The following UBA5 variants were observed in gnomAD, a reference collection of about 807,000 sequenced individuals.
UBA5 encodes the protein ubiquitin-like modifier-activating enzyme 5.
In UBA5, 28 loss-of-function variants were observed where a neutral mutation model predicts 52.9. That is an observed-to-expected ratio of 0.53 (90% CI 0.39 to 0.73). The LOEUF is 0.73. Ranked by LOEUF, UBA5 falls within the 30% of genes least tolerant of loss-of-function variation. The pLI, the probability that UBA5 is intolerant of heterozygous loss-of-function variation, is 0.00. For missense variants in UBA5, 388 were observed against 492.7 expected, an observed-to-expected ratio of 0.79 and a Z score of 2.01; for synonymous variants, 135 against 162.1, an observed-to-expected ratio of 0.83 and a Z score of 1.27.
chr3:132,659,892 G>T, upstream of UBA5: 1 of 1,049,656 alleles, frequency 9.5e-7, no homozygotes. Context: ...CACAGCCTAC[G>T]CGCCGTTGCT....
At chr3:132,675,145 AATAT>A in intron 8 of UBA5, 99 bp from the exon 9 acceptor site, 1 of 851,796 alleles carries the variant, frequency 1.2e-6, no homozygotes, top group South Asian at 2.0e-5. Context: ...GGTTAAAAAA[AATAT>A]ATAATTACCT....
At chr3:132,659,373 A>C (rs1487003803), upstream of UBA5, 4 of 548,896 alleles carry the variant, frequency 7.3e-6, no homozygotes, top group Non-Finnish European at 9.3e-6. Context: ...ATTCCTTTGG[A>C]TAGTAGAATG....
At chr3:132,658,066 T>C (rs532231265), upstream of UBA5, among the ~76,000 whole-genome samples, 4 of 152,212 alleles carry the variant, frequency 2.6e-5, no homozygotes, top group East Asian at 7.7e-4. Context: ...TTTCACCATG[T>C]TGGCCAGGCT....
chr3:132,671,988 C>CTATTTGG, intron 7 of UBA5, 62 bp from the exon 8 acceptor site: 9 of 1,606,044 alleles, frequency 5.6e-6, no homozygotes, highest in Non-Finnish European at 7.7e-6. Flanking sequence ...GGATGGAATA[C>CTATTTGG]TATTTGGAAC....
At position 132,679,134 on chromosome 3, in the gene UBA5, G is replaced by T. The variant is rs567015419; in HGVS notation, c.*2608G>T. 2.4e-4 allele frequency among the ~76,000 whole-genome samples: 36 copies of T among 152,020 alleles called. No individual in the cohort carries two copies. The highest frequency in any genetic ancestry group is 8.0e-4 in the African/African-American group (33 of 41,496). ...AATACAAAAATTAGCCGGGCGTGGTGGTGCGTGACTGTAATCCCAGCTACT... is the reference window on the plus strand; with the variant it reads ...AATACAAAAATTAGCCGGGCGTGGTTGTGCGTGACTGTAATCCCAGCTACT... On this transcript the variant is annotated 3_prime_UTR_variant, in exon 12 of 12. Transcript: ENST00000356232.
At chr3:132,670,850 A>G (rs1211131753) in intron 5 of UBA5, 115 bp from the exon 6 acceptor site, 2 of 592,340 alleles carry the variant, frequency 3.4e-6, no homozygotes, top group East Asian at 6.2e-5. Context: ...TTATTATGTA[A>G]TAATTATAGT....
At chr3:132,670,593 G>A (rs995955346) in intron 5 of UBA5, 1 of 228,166 alleles carries the variant, frequency 4.4e-6, no homozygotes, top group African/African-American at 2.3e-5. Flanking sequence ...TTTCTTCAGA[G>A]ACTGTCAGAC....
In UBA5 at chr3:132,676,652, C is replaced by G. The variant is rs999527338; in HGVS notation, c.*126C>G. 2.9e-6 allele frequency: 2 copies of G among 691,662 alleles called. No individual in the cohort carries two copies. The highest frequency in any genetic ancestry group is 2.7e-5 in the Admixed American group (1 of 36,552). The allele number at this position is 691,662 out of a possible 1,614,324, so 42.8% of individuals were successfully genotyped here. A position where few individuals can be genotyped will look rare whatever the true frequency, so the allele number is the denominator to read the frequency against. ...GTATATTCTTACCTGAATTGTTATA[C>G]TTTTTGAAAATCCTGTGACTTGCCT... On this transcript the variant is annotated 3_prime_UTR_variant, in exon 12 of 12. Transcript: ENST00000356232. This position sits in a 1 kb window ranked among gnomAD's most constrained non-coding sequence, Gnocchi z 4.1.
rs543024499 is a variant in UBA5 at position 132,665,631 on chromosome 3, G to A, written c.162-192G>A. 1.4e-5 allele frequency: 8 copies of A among 570,432 alleles called. No homozygotes were observed. In the East Asian group the frequency reaches 1.7e-4, roughly 12 times the overall value. 35.3% of individuals were successfully genotyped at this position (570,432 alleles called of 1,614,324 possible). ...ATCTTGTTTCATATGCTACACTTGG[G>A]AGAGTTTTTTTAAACGGTGCCTGGG... On this transcript the variant is annotated intron_variant, in intron 1 of 11. Coordinates refer to ENST00000356232, the MANE Select transcript of UBA5 (RefSeq NM_024818.6).
At position 132,666,088 on chromosome 3, in the gene UBA5, C is replaced by T; in HGVS notation, c.297+15C>T. 6.2e-7 allele frequency: 1 copy of T among 1,609,474 alleles called. No homozygotes were observed. ...GCATTGGTAAGGTAAAAACATTTCT[C>T]TTTGCCTGTCATATAGGGAACTACT... On this transcript the variant is annotated intron_variant, in intron 3 of 11. Transcript: ENST00000356232.
intron 8 of UBA5, among the ~76,000 whole-genome samples, chr3:132,673,298 A>G (rs1164381240): frequency 1.3e-5 from 2 of 152,132 alleles, no homozygotes; most frequent in East Asian, 3.8e-4. Context: ...TTTATTAACA[A>G]TGCTATAGGC....
intron 4 of UBA5, among the ~76,000 whole-genome samples, chr3:132,669,766 C>T (rs190242199): frequency 6.6e-6 from 1 of 152,128 alleles, no homozygotes; most frequent in Non-Finnish European, 1.5e-5. Flanking sequence ...GGAAGTGAGG[C>T]TGAGTTGTAG....
intron 8 of UBA5, among the ~76,000 whole-genome samples, chr3:132,672,766 C>T (rs948959213): frequency 1.3e-5 from 2 of 151,986 alleles, no homozygotes; most frequent in African/African-American, 4.8e-5. Flanking sequence ...TTTTAGATAC[C>T]TCTGCTATCC....
rs557067361 is a variant in UBA5, at chr3:132,676,644, T to C, written c.*118T>C. The C allele has an allele frequency of 2.5e-5, 18 of 712,896 alleles. No individual in the cohort carries two copies. In the East Asian group the frequency reaches 4.4e-4, roughly 17 times the overall value. The allele number at this position is 712,896 out of a possible 1,614,324, so 44.2% of individuals were successfully genotyped here. ...TAATTAATGTATATTCTTACCTGAA[T>C]TGTTATACTTTTTGAAAATCCTGTG... On this transcript the variant is annotated 3_prime_UTR_variant, in exon 12 of 12. Transcript: ENST00000356232. The surrounding 1 kb of genome is among the most constrained non-coding windows in gnomAD (Gnocchi z 4.1).
In UBA5 at chr3:132,675,285, G is replaced by A; in HGVS notation, c.850G>A (p.Gly284Arg). The A allele has an allele frequency of 6.2e-7, 1 of 1,611,630 alleles. No homozygotes were observed. The highest frequency in any genetic ancestry group is 8.5e-7 in the Non-Finnish European group (1 of 1,178,360). ...TTTTGGTACTGTTAGTTTTTACCTT[G>A]GATACAATGCAATGCAGGATTTTTT... ...LNFGTVSFYL[G>R]YNAMQDFFPT... The change falls in exon 9 of 12, where the codon GGA becomes AGA. Residue 284 changes from glycine to arginine, a missense_variant. Gly to Arg is a moderately radical substitution (Grantham distance 125). This residue lies in a region of UBA5 where 277 missense variants were observed against 326.4 expected (regional missense o/e 0.85). Coordinates refer to ENST00000356232, the MANE Select transcript of UBA5 (RefSeq NM_024818.6).
chr3:132,675,368 G>A lies in UBA5; in HGVS notation c.933G>A (p.Gln311=). The A allele has an allele frequency of 1.2e-6, 2 of 1,613,600 alleles. No individual in the cohort carries two copies. Among genetic ancestry groups the A allele is most frequent in the Non-Finnish European group, 1.7e-6 (2 of 1,179,762 alleles). The part of the protein sequence containing the change: ...PQCDDRNCRK[Q]QEEYKKKVAA... ...GTGATGACAGAAATTGCAGGAAGCA[G>A]CAGGAGGAATATAAGGTATATGACA... is the stretch of plus-strand genomic sequence containing the variant. The change falls in exon 9 of 12, where the codon CAG becomes CAA. Residue 311 remains glutamine (Q), a synonymous_variant. Coordinates refer to ENST00000356232, the MANE Select transcript of UBA5 (RefSeq NM_024818.6).
chr3:132,670,416 T>G (rs1938550999), intron 5 of UBA5, 132 bp downstream of exon 5: 1 of 502,684 alleles, frequency 2.0e-6, no homozygotes. Context: ...GTACAGCAAT[T>G]TTTGTGTAAT....
chr3:132,664,685 A>G (rs1447375149), intron 1 of UBA5, among the ~76,000 whole-genome samples: 1 of 152,132 alleles, frequency 6.6e-6, no homozygotes, highest in East Asian at 1.9e-4. Context: ...ACACTTTAGA[A>G]CTAGTGAGCT....
Position 132,677,848 on chromosome 3 carries a change from T to C in UBA5, c.*1322T>C, listed in dbSNP as rs1204887489. ...TGCTAGGATTATACTGTGATTCTTATGTTTATAGTAAAGTCTGGAAAGCAG... is the reference window on the plus strand; with the variant it reads ...TGCTAGGATTATACTGTGATTCTTACGTTTATAGTAAAGTCTGGAAAGCAG... On this transcript the variant is annotated 3_prime_UTR_variant, in exon 12 of 12. Coordinates refer to ENST00000356232, the MANE Select transcript of UBA5 (RefSeq NM_024818.6). The C allele has an allele frequency of 1.3e-5, 2 of 152,208 alleles. No homozygotes were observed. The highest frequency in any genetic ancestry group is 1.9e-4 in the East Asian group (1 of 5,198). 9.4% of individuals were successfully genotyped at this position (152,208 alleles called of 1,614,324 possible).
Sources: gnomAD v4.1 joint callset for allele counts (sites outside exome capture counted in the v4.1 genomes callset) on GRCh38, gnomAD v4.1.1 for gene constraint, gnomAD v4.1.1 regional missense constraint, Gnocchi (gnomAD v3.1) non-coding constraint, MANE v1.5 for transcripts, NCBI Gene and HGNC (gene_info 2026-07-23, HGNC 2026-07-21) for gene names.